Variants in HS2ST1 observed in about 807,000 individuals in gnomAD.
HS2ST1 encodes heparan sulfate 2-O-sulfotransferase 1.
Under a neutral mutation model 42.9 loss-of-function variants are expected in HS2ST1, and 18 were observed. That is an observed-to-expected ratio of 0.42 (90% CI 0.29 to 0.62). The LOEUF is 0.62. Ranked by LOEUF, HS2ST1 falls within the 20% of genes least tolerant of loss-of-function variation. HS2ST1 has a pLI of 0.21. For missense variants in HS2ST1, 334 were observed against 433.8 expected (o/e 0.77, Z 2.04); for synonymous variants, 146 against 152.9 (o/e 0.95, Z 0.33).
chr1:86,964,511 G>A (rs981777523), intron 1 of HS2ST1, among the ~76,000 whole-genome samples: 5 of 152,230 alleles, frequency 3.3e-5, no homozygotes, highest in Non-Finnish European at 5.9e-5. Flanking sequence ...GGCGGCACGC[G>A]CCTGCAATCG....
At chr1:87,091,559 G>A (rs1651944206) in intron 3 of HS2ST1, among the ~76,000 whole-genome samples, 1 of 151,968 alleles carries the variant, frequency 6.6e-6, no homozygotes, top group African/African-American at 2.4e-5. Flanking sequence ...GATTGAAAGG[G>A]AGAGAAACTG....
At chr1:86,978,798 A>C (rs539673852) in intron 1 of HS2ST1, among the ~76,000 whole-genome samples, 2 of 151,990 alleles carry the variant, frequency 1.3e-5, no homozygotes, top group Non-Finnish European at 2.9e-5. Flanking sequence ...TTTTGTCTAA[A>C]AGGAGAAATA....
At chr1:86,943,850 AC>A (rs565351705) in intron 1 of HS2ST1, among the ~76,000 whole-genome samples, 9 of 152,186 alleles carry the variant, frequency 5.9e-5, no homozygotes, top group South Asian at 4.2e-4. Flanking sequence ...ACATGGTGAA[AC>A]CCCATCTCTA....
chr1:86,915,242 T>C, intron 1 of HS2ST1, 82 bp downstream of exon 1: 1 of 1,484,436 alleles, frequency 6.7e-7, no homozygotes, highest in East Asian at 2.3e-5. Flanking sequence ...GGCGTTCATC[T>C]AACCTGGGGT....
chr1:87,095,594 G>A (rs1006912641), intron 4 of HS2ST1, among the ~76,000 whole-genome samples: 8 of 152,090 alleles, frequency 5.3e-5, no homozygotes, highest in Non-Finnish European at 1.2e-4. Context: ...CAGTACCTGG[G>A]AAAATAGGGA....
intron 1 of HS2ST1, among the ~76,000 whole-genome samples, chr1:87,014,289 A>C (rs1009567993): frequency 2.0e-5 from 3 of 152,210 alleles, no homozygotes; most frequent in Non-Finnish European, 4.4e-5. Context: ...AGGTGAAGCA[A>C]GACATGTATT....
At position 87,071,285 on chromosome 1, in the gene HS2ST1, C is replaced by T. The variant is rs540597698; in HGVS notation, c.125-1649C>T. Among the ~76,000 whole-genome samples the T allele has an allele frequency of 9.7e-4, 147 of 152,270 alleles. 1 individual carries two copies. The highest frequency in any genetic ancestry group is 3.3e-3 in the African/African-American group (139 of 41,556). ...ATGCTCTGACAATATTTGAAGTCTG[C>T]ACTTGTTGCTGTAATTATACCACAT... On this transcript the variant is annotated intron_variant, in intron 1 of 6. Transcript: ENST00000370550.
At chr1:87,087,680 A>G (rs1027631311) in intron 3 of HS2ST1, among the ~76,000 whole-genome samples, 3 of 152,142 alleles carry the variant, frequency 2.0e-5, no homozygotes, top group African/African-American at 7.2e-5. Flanking sequence ...CTTCTCTGCT[A>G]AACCAGTTGA....
chr1:86,982,663 C>T (rs1648630961), intron 1 of HS2ST1, among the ~76,000 whole-genome samples: 1 of 151,986 alleles, frequency 6.6e-6, no homozygotes, highest in Non-Finnish European at 1.5e-5. Context: ...TACAAGCGCC[C>T]ACCACCACGC....
At position 86,917,434 on chromosome 1, in the gene HS2ST1, G is replaced by A. The variant is rs147742968; in HGVS notation, c.124+2274G>A. 1.5e-3 allele frequency among the ~76,000 whole-genome samples: 226 copies of A among 151,866 alleles called. 1 individual carries two copies. The highest frequency in any genetic ancestry group is 5.2e-3 in the African/African-American group (217 of 41,390). On this transcript the variant is annotated intron_variant, in intron 1 of 6. Transcript: ENST00000370550. The stretch of plus-strand genomic sequence containing the variant: ...CTCAGGAGGCTAAGGCATGAGAACC[G>A]CTTGAACCTGGGAGGCAGAGATTGC...
intron 1 of HS2ST1, among the ~76,000 whole-genome samples, chr1:86,939,654 C>T (rs953670029): frequency 3.9e-5 from 6 of 152,296 alleles, no homozygotes; most frequent in Admixed American, 6.5e-5. Flanking sequence ...GTGTGGCCTG[C>T]GCCTCAGTTC....
intron 1 of HS2ST1, among the ~76,000 whole-genome samples, chr1:86,950,693 C>T (rs149757443): frequency 7.6e-4 from 115 of 152,200 alleles, no homozygotes; most frequent in African/African-American, 2.5e-3. Context: ...AAAATTGTGT[C>T]TGTGCAAGTA....
chr1:87,060,531 T>C (rs545235972), intron 1 of HS2ST1, among the ~76,000 whole-genome samples: 2 of 152,220 alleles, frequency 1.3e-5, no homozygotes, highest in African/African-American at 4.8e-5. Context: ...TTTTCTTATT[T>C]AAATGGGGAT....
intron 4 of HS2ST1, among the ~76,000 whole-genome samples, chr1:87,095,273 C>T (rs189305216): frequency 8.5e-5 from 13 of 152,166 alleles, no homozygotes; most frequent in Non-Finnish European, 1.8e-4. Context: ...CTTGTAATGG[C>T]GCTTATTCTC....
At chr1:86,965,006 T>G (rs1199640346) in intron 1 of HS2ST1, among the ~76,000 whole-genome samples, 1 of 152,220 alleles carries the variant, frequency 6.6e-6, no homozygotes, top group Non-Finnish European at 1.5e-5. Flanking sequence ...GTAGTATTAC[T>G]GATAATGTGT....
At chr1:87,094,577 A>G (rs1290303271) in intron 4 of HS2ST1, among the ~76,000 whole-genome samples, 1 of 152,118 alleles carries the variant, frequency 6.6e-6, no homozygotes, top group Non-Finnish European at 1.5e-5. Context: ...CAAGCACTCT[A>G]ATTCCAGAGC....
intron 1 of HS2ST1, among the ~76,000 whole-genome samples, chr1:86,969,615 C>T (rs1311008595): frequency 3.9e-5 from 6 of 152,030 alleles, no homozygotes; most frequent in Admixed American, 3.9e-4. Context: ...GTTAATTTTA[C>T]AAATTTATAA....
At chr1:87,098,366 G>A (rs894848261) in intron 5 of HS2ST1, 2 of 971,594 alleles carry the variant, frequency 2.1e-6, no homozygotes, top group Non-Finnish European at 2.4e-6. Context: ...AGAAGCCAAG[G>A]TTATGGCTGT....
chr1:87,024,388 C>G (rs1476562563), intron 1 of HS2ST1, among the ~76,000 whole-genome samples: 1 of 151,764 alleles, frequency 6.6e-6, no homozygotes, highest in Non-Finnish European at 1.5e-5. Flanking sequence ...GTAATCCCAG[C>G]TAATCAGGAG....
Sources: allele counts gnomAD v4.1 joint callset (sites outside exome capture counted in the v4.1 genomes callset), GRCh38; gene constraint gnomAD v4.1.1; transcripts MANE v1.5; gene names NCBI Gene and HGNC (gene_info 2026-07-23, HGNC 2026-07-21).